The following TRMO variants were observed in gnomAD, a reference collection of about 807,000 sequenced individuals.
The protein encoded by TRMO is tRNA methyltransferase O, also known as tRNA (adenine(37)-N6)-methyltransferase.
Under a neutral mutation model 37.2 loss-of-function variants are expected in TRMO, and 30 were observed. The observed-to-expected ratio is 0.81, with a 90% CI of 0.60 to 1.09. The LOEUF (loss-of-function observed/expected upper bound fraction) is 1.09, where lower values mean the gene tolerates loss of function less well. Ranked by LOEUF, TRMO falls within the 50% of genes least tolerant of loss-of-function variation. The pLI is 0.00. For synonymous variants in TRMO, 239 were observed against 199.4 expected, an observed-to-expected ratio of 1.20 and a Z score of -1.67; for missense variants, 552 against 549.5, an observed-to-expected ratio of 1.00 and a Z score of -0.05.
chr9:97,898,839 T>C, the TRMO span, among the ~76,000 whole-genome samples: 1 of 35,212 alleles, frequency 2.8e-5, no homozygotes, highest in Non-Finnish European at 4.7e-5. Flanking sequence ...ATATATATAC[T>C]TTTTTTTTTT....
downstream of TRMO, among the ~76,000 whole-genome samples, chr9:97,903,353 T>C (rs549178068): frequency 3.3e-5 from 5 of 152,302 alleles, no homozygotes; most frequent in South Asian, 8.3e-4. Context: ...ACAAATCAGT[T>C]TGGTTTAGGA....
intron 4 of TRMO, among the ~76,000 whole-genome samples, chr9:97,905,422 CCA>C (rs1336089728): frequency 6.6e-6 from 1 of 151,994 alleles, no homozygotes; most frequent in African/African-American, 2.4e-5. Flanking sequence ...AGAACTAAAC[CCA>C]CACACACCCA....
At position 97,904,656 on chromosome 9, in the gene TRMO, A is replaced by G; in HGVS notation, c.*77T>C. 1 of 1,582,414 alleles carries G rather than the reference A, an allele frequency of 6.3e-7. No homozygotes were observed. Among genetic ancestry groups the G allele is most frequent in the Non-Finnish European group, 8.6e-7 (1 of 1,165,024 alleles). ...TCACAAAGTGTTGCTTCTCGACACA[A>G]CATTAGCTTGTTCAGAAAATCCAAA... On this transcript the variant is annotated 3_prime_UTR_variant, in exon 5 of 5. Coordinates refer to ENST00000375119, the MANE Select transcript of TRMO (RefSeq NM_016481.5).
chr9:97,908,143 T>A (rs1317145355), intron 4 of TRMO, among the ~76,000 whole-genome samples: 1 of 152,072 alleles, frequency 6.6e-6, no homozygotes, highest in South Asian at 2.1e-4. Flanking sequence ...TTGGGCACGG[T>A]GGCTCACACC....
At chr9:97,907,723 C>T (rs1587830593) in intron 4 of TRMO, among the ~76,000 whole-genome samples, 1 of 152,234 alleles carries the variant, frequency 6.6e-6, no homozygotes, top group Middle Eastern at 3.4e-3. Flanking sequence ...AACTCAAGTC[C>T]TTACAATGGC....
chr9:97,898,004 T>C, the TRMO span, among the ~76,000 whole-genome samples: 4 of 152,130 alleles, frequency 2.6e-5, no homozygotes, highest in South Asian at 2.1e-4. Flanking sequence ...ACTGGGACCA[T>C]AGGCACACAC....
downstream of TRMO, among the ~76,000 whole-genome samples, chr9:97,899,654 G>A (rs1050187419): frequency 1.3e-5 from 2 of 152,118 alleles, no homozygotes; most frequent in Non-Finnish European, 2.9e-5. Context: ...AGGAGGCCGA[G>A]GCAGGCAGAC....
At chr9:97,899,656 C>G (rs1321859814), downstream of TRMO, among the ~76,000 whole-genome samples, 3 of 152,126 alleles carry the variant, frequency 2.0e-5, no homozygotes, top group Non-Finnish European at 4.4e-5. Flanking sequence ...GAGGCCGAGG[C>G]AGGCAGACCA....
At chr9:97,916,400 C>T in intron 1 of TRMO, 62 bp from the exon 2 acceptor site, 1 of 1,230,506 alleles carries the variant, frequency 8.1e-7, no homozygotes, top group Admixed American at 2.3e-5. Flanking sequence ...TGTAAGAAAA[C>T]ATGTTTTCTC....
chr9:97,912,657 G>A (rs979881916), intron 3 of TRMO: 6 of 298,628 alleles, frequency 2.0e-5, no homozygotes, highest in Admixed American at 9.1e-5. Context: ...AAAATATTCT[G>A]TGGAATCACA....
At chr9:97,916,539 T>C (rs1826371509) in intron 1 of TRMO, among the ~76,000 whole-genome samples, 1 of 152,078 alleles carries the variant, frequency 6.6e-6, no homozygotes. Context: ...CATCATTACA[T>C]ACATAGTAAT....
the TRMO span, among the ~76,000 whole-genome samples, chr9:97,898,299 G>A: frequency 6.6e-6 from 1 of 152,168 alleles, no homozygotes. Context: ...GTAAATGCTG[G>A]AGAGTCATTT....
downstream of TRMO, among the ~76,000 whole-genome samples, chr9:97,899,976 G>C (rs1437073814): frequency 6.6e-6 from 1 of 152,142 alleles, no homozygotes; most frequent in African/African-American, 2.4e-5. Flanking sequence ...AGGATCACTT[G>C]AGCCTGGGAG....
At chr9:97,901,345 C>T (rs528605542), downstream of TRMO, among the ~76,000 whole-genome samples, 4 of 151,890 alleles carry the variant, frequency 2.6e-5, no homozygotes, top group Middle Eastern at 3.4e-3. Flanking sequence ...GCCAAAGAGT[C>T]TTAAAAATCT....
chr9:97,910,008 G>A lies in TRMO; in HGVS notation c.1018C>T (p.Arg340Trp), dbSNP rs972855766. ...TEAPVATLEV[R>W]FTPHAEMDLG... ...TCCATCTCGGCATGAGGAGTAAACC[G>A]CACTTCTAAAGTGGCCACAGGAGCC... The change falls in exon 4 of 5, where the codon CGG (arginine) becomes TGG (tryptophan). Residue 340 changes from arginine (R) to tryptophan (W), a missense_variant. By Grantham distance (101) the Arg-to-Trp change is moderately radical. Coordinates refer to ENST00000375119, the MANE Select transcript of TRMO (RefSeq NM_016481.5). 5.7e-6 allele frequency: 9 copies of A among 1,589,274 alleles called. No homozygotes were observed. The highest frequency in any genetic ancestry group is 1.7e-4 in the Middle Eastern group (1 of 5,938).
intron 1 of TRMO, among the ~76,000 whole-genome samples, chr9:97,919,377 G>GA (rs1587843417): frequency 7.3e-6 from 1 of 136,396 alleles, no homozygotes; most frequent in Non-Finnish European, 1.6e-5. Context: ...AAAAAAGAAA[G>GA]AAAGAAAAGA....
intron 4 of TRMO, among the ~76,000 whole-genome samples, chr9:97,907,249 C>G (rs963293972): frequency 6.6e-6 from 1 of 152,212 alleles, no homozygotes; most frequent in Non-Finnish European, 1.5e-5. Context: ...AAACCAGTTC[C>G]TGGGCCCTGG....
Position 97,904,695 on chromosome 9 carries a change from G to C in TRMO, c.*38C>G, listed in dbSNP as rs752419731. 1 of 1,601,932 alleles carries C rather than the reference G, an allele frequency of 6.2e-7. No homozygotes were observed. On this transcript the variant is annotated 3_prime_UTR_variant, in exon 5 of 5. Coordinates refer to ENST00000375119, the MANE Select transcript of TRMO (RefSeq NM_016481.5). ...AGAAAATCCAAAAGCCACATCCAAA[G>C]ATCAATGATGCTACCTTAAAGACAT...
At chr9:97,909,458 T>C (rs1162184182) in intron 4 of TRMO, among the ~76,000 whole-genome samples, 2 of 152,190 alleles carry the variant, frequency 1.3e-5, no homozygotes, top group Admixed American at 6.5e-5. Context: ...AGTGGGACTT[T>C]GTTGGGGCAA....
Sources: allele counts gnomAD v4.1 joint callset (sites outside exome capture counted in the v4.1 genomes callset), GRCh38; gene constraint gnomAD v4.1.1; transcripts MANE v1.5; gene names NCBI Gene and HGNC (gene_info 2026-07-23, HGNC 2026-07-21).